Variants in USP6NL observed in about 807,000 individuals in gnomAD.
USP6NL encodes the protein USP6 N-terminal-like protein.
In USP6NL, 26 loss-of-function variants were observed where a neutral mutation model predicts 61.9. The ratio of observed to expected loss-of-function variants is 0.42; its 90% confidence interval spans 0.31 to 0.58. USP6NL has a LOEUF of 0.58. USP6NL is among the 20% of genes least tolerant of loss of function. USP6NL has a pLI of 0.16. For synonymous variants in USP6NL, 432 were observed against 390.1 expected, an observed-to-expected ratio of 1.11 and a Z score of -1.27; for missense variants, 1,114 against 1,034.3, an observed-to-expected ratio of 1.08 and a Z score of -1.06.
intron 1 of USP6NL, among the ~76,000 whole-genome samples, chr10:11,610,389 C>A (rs1159468660): frequency 6.6e-6 from 1 of 152,132 alleles, no homozygotes; most frequent in Non-Finnish European, 1.5e-5. Context: ...TATTCTTATT[C>A]AGATGACTTC....
intron 2 of USP6NL, among the ~76,000 whole-genome samples, chr10:11,579,548 A>G (rs1484360574): frequency 6.6e-6 from 1 of 152,132 alleles, no homozygotes; most frequent in East Asian, 1.9e-4. Flanking sequence ...GCCTACAGGA[A>G]CTTCCCCATT....
chr10:11,543,282 C>T lies in USP6NL; in HGVS notation c.5-15715G>A, dbSNP rs972629337. On this transcript the variant is annotated intron_variant, in intron 2 of 14. Transcript: ENST00000609104. ...ACTGGCCGGGAGCAGTGGCTCACAC[C>T]TGTAATCCCAGCACTTTGGGAGGCC... 3.4e-4 allele frequency among the ~76,000 whole-genome samples: 51 copies of T among 152,198 alleles called. 1 individual carries two copies. The highest frequency in any genetic ancestry group is 1.0e-4 in the Non-Finnish European group (7 of 68,036).
Position 11,528,387 on chromosome 10 carries a change from G to GT in USP6NL, c.5-821dup, listed in dbSNP as rs1835510799. 6.6e-6 allele frequency among the ~76,000 whole-genome samples: 1 copy of GT among 151,920 alleles called. No individual in the cohort carries two copies. The highest frequency in any genetic ancestry group is 2.4e-5 in the African/African-American group (1 of 41,352). On this transcript the variant is annotated intron_variant, in intron 2 of 14. Transcript: ENST00000609104. The surrounding 1 kb of genome is among the most constrained non-coding windows in gnomAD (Gnocchi z 4.6). ...AAAAGTAGCAACAGCAGTAACAACT[G>GT]TAACAACTATACTGCATTCTTATTA...
At position 11,482,068 on chromosome 10, in the gene USP6NL, T is replaced by C. The variant is rs1036724040; in HGVS notation, c.926-146A>G. ...TTACATATGGCATTGAGGACATCATTAAAACTCAGTAAGACAAAAATATTG... is the reference window on the plus strand; with the variant it reads ...TTACATATGGCATTGAGGACATCATCAAAACTCAGTAAGACAAAAATATTG... On this transcript the variant is annotated intron_variant, in intron 13 of 14. Coordinates refer to ENST00000609104, the MANE Select transcript of USP6NL (RefSeq NM_014688.5). The surrounding 1 kb of genome is among the most constrained non-coding windows in gnomAD (Gnocchi z 4.0). 1.4e-5 allele frequency: 11 copies of C among 778,128 alleles called. No individual in the cohort carries two copies. The highest frequency in any genetic ancestry group is 2.1e-5 in the Non-Finnish European group (11 of 528,694). 48.2% of individuals were successfully genotyped at this position (778,128 alleles called of 1,614,324 possible).
chr10:11,525,346 T>A lies in USP6NL; in HGVS notation c.155+40A>T. 6.6e-7 allele frequency: 1 copy of A among 1,513,386 alleles called. No homozygotes were observed. Among genetic ancestry groups the A allele is most frequent in the African/African-American group, 1.4e-5 (1 of 70,958 alleles). The allele number at this position is 1,513,386 out of a possible 1,614,324, so 93.7% of individuals were successfully genotyped here. Reference sequence around the variant, plus strand: ...AATATAATAGGTGACCACAGAAACGTTATAATCTAAAAAGCAAGCTTTCAA... The same window carrying A: ...AATATAATAGGTGACCACAGAAACGATATAATCTAAAAAGCAAGCTTTCAA... On this transcript the variant is annotated intron_variant, in intron 4 of 14. Coordinates refer to ENST00000609104, the MANE Select transcript of USP6NL (RefSeq NM_014688.5). The surrounding 1 kb of genome is among the most constrained non-coding windows in gnomAD (Gnocchi z 5.0).
At position 11,513,970 on chromosome 10, in the gene USP6NL, C is replaced by T. The variant is rs1834840983; in HGVS notation, c.196-4295G>A. ...TGTGATTGGCTCCTCTGGATTTCAG[C>T]AGGATTATCACCCCATTATGTTGTC... On this transcript the variant is annotated intron_variant, in intron 5 of 14. Transcript: ENST00000609104. This position sits in a 1 kb window ranked among gnomAD's most constrained non-coding sequence, Gnocchi z 4.7. Among the ~76,000 whole-genome samples the T allele has an allele frequency of 6.6e-6, 1 of 152,184 alleles. No individual in the cohort carries two copies. Among genetic ancestry groups the T allele is most frequent in the Non-Finnish European group, 1.5e-5 (1 of 68,034 alleles).
intron 2 of USP6NL, among the ~76,000 whole-genome samples, chr10:11,534,805 T>G (rs1835774695): frequency 6.6e-6 from 1 of 152,204 alleles, no homozygotes; most frequent in Admixed American, 6.5e-5. Flanking sequence ...CTATTGACAT[T>G]ATTATGATTA....
At chr10:11,493,761 G>A (rs1321110944) in intron 7 of USP6NL, among the ~76,000 whole-genome samples, 2 of 151,966 alleles carry the variant, frequency 1.3e-5, no homozygotes, top group African/African-American at 4.8e-5. Flanking sequence ...TCCTGCCTGT[G>A]CGGCCGGACC....
intron 8 of USP6NL, among the ~76,000 whole-genome samples, chr10:11,492,216 G>A (rs1246306876): frequency 7.2e-5 from 11 of 152,170 alleles, no homozygotes; most frequent in African/African-American, 2.7e-4. Context: ...TATCTTACTT[G>A]GAAATTGTTT....
chr10:11,500,061 G>C (rs138749856), intron 7 of USP6NL, among the ~76,000 whole-genome samples: 3 of 152,214 alleles, frequency 2.0e-5, no homozygotes, highest in East Asian at 1.9e-4. Context: ...GCAAACTAAC[G>C]CAAGAACAGA....
rs535893648 is a variant in USP6NL, at chr10:11,471,490, G to T, written c.1079-7641C>A. The stretch of plus-strand genomic sequence containing the variant: ...CCCATTACTGGATATATACCCAAAG[G>T]ATTATAAATCATGCTGCTATAAAGA... On this transcript the variant is annotated intron_variant, in intron 14 of 14. Coordinates refer to ENST00000609104, the MANE Select transcript of USP6NL (RefSeq NM_014688.5). Among the ~76,000 whole-genome samples the T allele has an allele frequency of 2.0e-5, 3 of 152,234 alleles. No homozygotes were observed. The South Asian group carries it at 6.2e-4, about 32-fold the overall frequency.
chr10:11,507,591 A>C (rs1049167651), intron 6 of USP6NL, among the ~76,000 whole-genome samples: 6 of 152,210 alleles, frequency 3.9e-5, no homozygotes, highest in African/African-American at 1.4e-4. Flanking sequence ...TCCCATGGTT[A>C]AGTCGGTTTC....
chr10:11,562,379 C>A lies in USP6NL; in HGVS notation c.5-34812G>T. ...TTTTGCATTCCTTACACAGGTGACA[C>A]CAACTTCAGATTTCCCCTTTTCCTT... On this transcript the variant is annotated intron_variant, in intron 2 of 14. Coordinates refer to ENST00000609104, the MANE Select transcript of USP6NL (RefSeq NM_014688.5). This position sits in a 1 kb window ranked among gnomAD's most constrained non-coding sequence, Gnocchi z 4.8. 1 of 985,382 alleles carries A rather than the reference C, an allele frequency of 1.0e-6. No individual in the cohort carries two copies. The highest frequency in any genetic ancestry group is 1.1e-4 in the East Asian group (1 of 8,816). The allele number at this position is 985,382 out of a possible 1,614,324, so 61.0% of individuals were successfully genotyped here. A position where few individuals can be genotyped will look rare whatever the true frequency, so the allele number is the denominator to read the frequency against.
chr10:11,605,549 T>C (rs1838679433), intron 1 of USP6NL, among the ~76,000 whole-genome samples: 1 of 152,032 alleles, frequency 6.6e-6, no homozygotes, highest in Non-Finnish European at 1.5e-5. Context: ...AAAGAGACCA[T>C]AAAAATGTTA....
In USP6NL at chr10:11,501,137, G is replaced by A. The variant is rs1834172475; in HGVS notation, c.348C>T (p.Ile116=). The A allele has an allele frequency of 6.2e-7, 1 of 1,612,858 alleles. No homozygotes were observed. Among genetic ancestry groups the A allele is most frequent in the African/African-American group, 1.3e-5 (1 of 74,850 alleles). Residue 116 remains isoleucine (I), a synonymous_variant, in exon 7 of 15, where the codon ATC becomes ATT. Coordinates refer to ENST00000609104, the MANE Select transcript of USP6NL (RefSeq NM_014688.5). ...CCCTTGTTTCTTCTTTCATTTTAGG[G>A]ATCTCAAGAAGGAGGGCCCAGACTT... The part of the protein sequence containing the change: ...RGEVWALLLE[I]PKMKEETRDL...
In USP6NL at chr10:11,598,500, A is replaced by C. The variant is rs1165114025; in HGVS notation, c.-83-783T>G. 6.6e-6 allele frequency among the ~76,000 whole-genome samples: 1 copy of C among 152,186 alleles called. No homozygotes were observed. Among genetic ancestry groups the C allele is most frequent in the Non-Finnish European group, 1.5e-5 (1 of 68,032 alleles). ...TTAATTACTGTATTTCTAAAATATT[A>C]ATATAGGTATAAATATTAATGCTAT... On this transcript the variant is annotated intron_variant, in intron 1 of 14. Transcript: ENST00000609104. The surrounding 1 kb of genome is among the most constrained non-coding windows in gnomAD (Gnocchi z 4.7).
At position 11,499,116 on chromosome 10, in the gene USP6NL, G is replaced by A. The variant is rs1345661301; in HGVS notation, c.384+1985C>T. Among the ~76,000 whole-genome samples, 2 of 152,178 alleles carry A rather than the reference G, an allele frequency of 1.3e-5. No homozygotes were observed. Among genetic ancestry groups the A allele is most frequent in the Non-Finnish European group, 2.9e-5 (2 of 68,020 alleles). ...CACCCATCTGAGAAAAGTCTCGGCAGATTAAGAGAAGGTTGTAGTTTTAGT... is the reference window on the plus strand; with the variant it reads ...CACCCATCTGAGAAAAGTCTCGGCAAATTAAGAGAAGGTTGTAGTTTTAGT... On this transcript the variant is annotated intron_variant, in intron 7 of 14. Transcript: ENST00000609104. This position sits in a 1 kb window ranked among gnomAD's most constrained non-coding sequence, Gnocchi z 4.5.
At chr10:11,479,029 C>T (rs1833080747) in intron 14 of USP6NL, among the ~76,000 whole-genome samples, 1 of 152,068 alleles carries the variant, frequency 6.6e-6, no homozygotes, top group African/African-American at 2.4e-5. Flanking sequence ...GAGCTGAGTT[C>T]TTATTCCATA....
chr10:11,596,883 C>A lies in USP6NL; in HGVS notation c.4+748G>T, dbSNP rs1459195611. 2.0e-5 allele frequency among the ~76,000 whole-genome samples: 3 copies of A among 152,034 alleles called. No homozygotes were observed. The highest frequency in any genetic ancestry group is 2.4e-5 in the African/African-American group (1 of 41,380). On this transcript the variant is annotated intron_variant, in intron 2 of 14. Coordinates refer to ENST00000609104, the MANE Select transcript of USP6NL (RefSeq NM_014688.5). The surrounding 1 kb of genome is among the most constrained non-coding windows in gnomAD (Gnocchi z 4.1). ...CATATTAAGGTAAATATAATCAATA[C>A]AAATACTATGTGAAAAACATTTAAA... is the stretch of plus-strand genomic sequence containing the variant.
Sources: gnomAD v4.1 joint callset for allele counts (sites outside exome capture counted in the v4.1 genomes callset) on GRCh38, gnomAD v4.1.1 for gene constraint, Gnocchi (gnomAD v3.1) non-coding constraint, MANE v1.5 for transcripts, NCBI Gene and HGNC (gene_info 2026-07-23, HGNC 2026-07-21) for gene names.